Variants in SLIT3 observed in about 807,000 individuals in gnomAD.
SLIT3 encodes slit guidance ligand 3, also known as slit homolog 3 protein.
A neutral mutation model predicts 184.0 loss-of-function variants in SLIT3; 68 were observed. The observed-to-expected ratio is 0.37, with a 90% CI of 0.30 to 0.45. The LOEUF (loss-of-function observed/expected upper bound fraction) is 0.45. Ranked by LOEUF, SLIT3 falls within the 20% of genes least tolerant of loss-of-function variation. The pLI, the probability that SLIT3 is intolerant of heterozygous loss-of-function variation, is 1.00. For synonymous variants in SLIT3, 831 were observed against 828.6 expected, an observed-to-expected ratio of 1.00 and a Z score of -0.05; for missense variants, 1,707 against 2,026.0, an observed-to-expected ratio of 0.84 and a Z score of 3.02.
At chr5:168,719,044 CTTTATTGA>C (rs1762853014) in intron 23 of SLIT3, among the ~76,000 whole-genome samples, 1 of 152,160 alleles carries the variant, frequency 6.6e-6, no homozygotes, top group South Asian at 2.1e-4. Flanking sequence ...CTTCATTCAT[CTTTATTGA>C]TTTATTATTT....
At chr5:168,822,829 C>T (rs1030562787) in intron 7 of SLIT3, among the ~76,000 whole-genome samples, 1 of 152,158 alleles carries the variant, frequency 6.6e-6, no homozygotes, top group Non-Finnish European at 1.5e-5. Flanking sequence ...ACTGTCATTC[C>T]TCAGGGGAAA....
chr5:168,973,041 T>C (rs1030677485), intron 4 of SLIT3, among the ~76,000 whole-genome samples: 1 of 152,210 alleles, frequency 6.6e-6, no homozygotes, highest in African/African-American at 2.4e-5. Context: ...TCTGAAATTC[T>C]TTCCAACTTC....
In SLIT3 at chr5:168,664,999, ATAT is replaced by A. The variant is rs1389927878; in HGVS notation, c.*1452_*1454del. The A allele has an allele frequency of 6.6e-6, 1 of 152,182 alleles. No homozygotes were observed. Among genetic ancestry groups the A allele is most frequent in the African/African-American group, 2.4e-5 (1 of 41,416 alleles). 9.4% of individuals were successfully genotyped at this position (152,182 alleles called of 1,614,324 possible). On this transcript the variant is annotated 3_prime_UTR_variant, in exon 36 of 36. Coordinates refer to ENST00000519560, the MANE Select transcript of SLIT3 (RefSeq NM_003062.4). ...CAGAACAAGAGCAGGAAAAAACATC[ATAT>A]TATTTCCTTTTCCGGCAGGGCTGCT...
At chr5:169,113,510 T>C (rs1760490753) in intron 4 of SLIT3, among the ~76,000 whole-genome samples, 2 of 152,298 alleles carry the variant, frequency 1.3e-5, no homozygotes, top group South Asian at 2.1e-4. Context: ...ACGTAATTAA[T>C]GATGGCTGTA....
At chr5:169,009,302 T>G (rs1756051869) in intron 4 of SLIT3, among the ~76,000 whole-genome samples, 1 of 152,244 alleles carries the variant, frequency 6.6e-6, no homozygotes, top group Admixed American at 6.5e-5. Context: ...GCTGTGTCTC[T>G]GGGTGACCGT....
At chr5:169,128,216 G>A (rs1239334359) in intron 4 of SLIT3, among the ~76,000 whole-genome samples, 2 of 148,150 alleles carry the variant, frequency 1.3e-5, no homozygotes. Context: ...TTTGGGACAC[G>A]GGTCATGGAT....
At chr5:168,800,454 G>A (rs760730488) in intron 9 of SLIT3, among the ~76,000 whole-genome samples, 2 of 152,196 alleles carry the variant, frequency 1.3e-5, no homozygotes, top group Non-Finnish European at 2.9e-5. Context: ...GGGCATGGTG[G>A]TGGGTGTCTG....
At chr5:169,115,950 C>G (rs928717603) in intron 4 of SLIT3, among the ~76,000 whole-genome samples, 2 of 152,092 alleles carry the variant, frequency 1.3e-5, no homozygotes, top group African/African-American at 4.8e-5. Flanking sequence ...ACAGTCCTTG[C>G]CCTTAGGGTA....
chr5:169,287,208 C>T (rs1161933923), intron 1 of SLIT3, among the ~76,000 whole-genome samples: 1 of 152,156 alleles, frequency 6.6e-6, no homozygotes, highest in Non-Finnish European at 1.5e-5. Context: ...GATTCCTGCT[C>T]CAGTCCTGGT....
At chr5:169,158,116 T>C (rs1762368793) in intron 4 of SLIT3, among the ~76,000 whole-genome samples, 1 of 152,064 alleles carries the variant, frequency 6.6e-6, no homozygotes, top group Non-Finnish European at 1.5e-5. Flanking sequence ...ACCTACAGAT[T>C]AAATAAGGTG....
At chr5:169,254,337 G>T (rs1765876250) in intron 1 of SLIT3, among the ~76,000 whole-genome samples, 2 of 152,164 alleles carry the variant, frequency 1.3e-5, no homozygotes, top group South Asian at 4.1e-4. Flanking sequence ...TTCAGCTCTG[G>T]CCTCAAGGGA....
At chr5:168,887,327 G>T (rs1760257525) in intron 4 of SLIT3, among the ~76,000 whole-genome samples, 1 of 152,262 alleles carries the variant, frequency 6.6e-6, no homozygotes, top group South Asian at 2.1e-4. Context: ...GAGGGAATTT[G>T]ATCCTAGAGG....
intron 4 of SLIT3, among the ~76,000 whole-genome samples, chr5:168,893,202 G>T (rs2113811941): frequency 6.6e-6 from 1 of 152,304 alleles, no homozygotes; most frequent in Non-Finnish European, 1.5e-5. Flanking sequence ...AACCTTGGTT[G>T]GGTGTGGACA....
rs7713072 is a variant in SLIT3, at chr5:168,680,816, A to G, written c.3686+3150T>C. ...GATTCTGAGGCACAGGTCATGTCTCAGCTCAAACACCACCTCCTCCTCCAA... is the reference window on the plus strand; with the variant it reads ...GATTCTGAGGCACAGGTCATGTCTCGGCTCAAACACCACCTCCTCCTCCAA... On this transcript the variant is annotated intron_variant, in intron 32 of 35. Transcript: ENST00000519560. 3.4e-3 allele frequency among the ~76,000 whole-genome samples: 525 copies of G among 152,238 alleles called. 4 individuals carry two copies. Among genetic ancestry groups the G allele is most frequent in the African/African-American group, 0.012 (487 of 41,528 alleles).
At chr5:168,789,516 C>T (rs780238476) in intron 11 of SLIT3, 44 bp downstream of exon 11, 2 of 1,485,820 alleles carry the variant, frequency 1.3e-6, no homozygotes, top group African/African-American at 1.4e-5. Context: ...CCCTCCAGCG[C>T]CCCCCCTCCC....
chr5:169,092,894 G>A lies in SLIT3; in HGVS notation c.413+100585C>T, dbSNP rs78046958. 3.4e-3 allele frequency among the ~76,000 whole-genome samples: 516 copies of A among 152,308 alleles called. 2 individuals are homozygous for A. The highest frequency in any genetic ancestry group is 5.5e-3 in the Non-Finnish European group (375 of 68,024). On this transcript the variant is annotated intron_variant, in intron 4 of 35. Transcript: ENST00000519560. ...CAATTTGCCATCTACATCAGCTAGC[G>A]TGGGCATAGAACTATTATGCTGACC... is the stretch of plus-strand genomic sequence containing the variant.
intron 5 of SLIT3, among the ~76,000 whole-genome samples, chr5:168,864,124 C>T (rs1827690): frequency 0.12 from 18,521 of 151,880 alleles, 2,398 homozygotes; most frequent in African/African-American, 0.33. Flanking sequence ...GCAGAAGGAT[C>T]GCTTGAGCCC....
intron 4 of SLIT3, among the ~76,000 whole-genome samples, chr5:168,984,976 T>C (rs989725157): frequency 1.3e-5 from 2 of 152,136 alleles, no homozygotes; most frequent in African/African-American, 4.8e-5. Context: ...TCCAGAAATA[T>C]CACACATAGG....
chr5:168,800,587 C>CA (rs948827465), intron 9 of SLIT3, among the ~76,000 whole-genome samples: 52 of 146,536 alleles, frequency 3.5e-4, no homozygotes, highest in Middle Eastern at 3.5e-3. Flanking sequence ...AATTCTGTCT[C>CA]AAAAAAAAGA....
Sources: gnomAD v4.1 joint callset for allele counts (sites outside exome capture counted in the v4.1 genomes callset) on GRCh38, gnomAD v4.1.1 for gene constraint, MANE v1.5 for transcripts, NCBI Gene and HGNC (gene_info 2026-07-23, HGNC 2026-07-21) for gene names.